CA10: variants seen among roughly 807,000 people sequenced by gnomAD.
CA10 encodes the protein carbonic anhydrase 10 (inactive).
In CA10, 14 loss-of-function variants were observed where a neutral mutation model predicts 44.2. The observed-to-expected ratio is 0.32, with a 90% CI of 0.21 to 0.50. The LOEUF is 0.50. CA10 is among the 20% of genes least tolerant of loss of function. The pLI, the probability that CA10 is intolerant of heterozygous loss-of-function variation, is 0.99. For missense variants in CA10, 350 were observed against 409.7 expected, an observed-to-expected ratio of 0.85 and a Z score of 1.26; for synonymous variants, 159 against 141.6, an observed-to-expected ratio of 1.12 and a Z score of -0.87.
intron 1 of CA10, among the ~76,000 whole-genome samples, chr17:52,082,529 C>T (rs978648853): frequency 1.3e-5 from 2 of 152,168 alleles, no homozygotes; most frequent in African/African-American, 4.8e-5. Flanking sequence ...GAATACTGCA[C>T]TTAACCTTCT....
chr17:51,748,421 A>G, intron 3 of CA10: 1 of 943,552 alleles, frequency 1.1e-6, no homozygotes, highest in Non-Finnish European at 1.3e-6. Context: ...AGATTCCTAG[A>G]CTTACTCCTT....
intron 3 of CA10, among the ~76,000 whole-genome samples, chr17:51,916,985 T>A (rs1982025367): frequency 6.6e-6 from 1 of 152,214 alleles, no homozygotes; most frequent in Non-Finnish European, 1.5e-5. Flanking sequence ...CACCTGGGTT[T>A]ACTTTTTAAG....
At chr17:51,676,979 T>G (rs1297810826) in intron 4 of CA10, among the ~76,000 whole-genome samples, 1 of 152,164 alleles carries the variant, frequency 6.6e-6, no homozygotes, top group East Asian at 1.9e-4. Context: ...AAGAGCAGCC[T>G]CGATTTGATA....
intron 2 of CA10, among the ~76,000 whole-genome samples, chr17:52,052,096 T>C (rs530655271): frequency 1.3e-5 from 2 of 151,166 alleles, no homozygotes; most frequent in East Asian, 2.0e-4. Flanking sequence ...CAGGGACACA[T>C]AGAGGGTAAC....
intron 1 of CA10, among the ~76,000 whole-genome samples, chr17:52,151,712 A>G (rs1989706732): frequency 6.6e-6 from 1 of 152,256 alleles, no homozygotes; most frequent in Middle Eastern, 3.4e-3. Flanking sequence ...TGATGATGAT[A>G]ATTTTATGGG....
intron 3 of CA10, among the ~76,000 whole-genome samples, chr17:51,875,707 A>C (rs1266252822): frequency 2.0e-5 from 3 of 152,202 alleles, no homozygotes; most frequent in Admixed American, 6.5e-5. Context: ...TATATAGTTA[A>C]ATGAGTTTTA....
chr17:51,859,882 A>G (rs1294264247), intron 3 of CA10, among the ~76,000 whole-genome samples: 1 of 152,172 alleles, frequency 6.6e-6, no homozygotes, highest in Non-Finnish European at 1.5e-5. Context: ...GAAGATTGCC[A>G]TGATACACAT....
chr17:52,102,344 T>G (rs1567733871), intron 1 of CA10, among the ~76,000 whole-genome samples: 1 of 152,198 alleles, frequency 6.6e-6, no homozygotes, highest in Non-Finnish European at 1.5e-5. Context: ...TGCTGAGCGA[T>G]TATTTCAAGC....
intron 7 of CA10, among the ~76,000 whole-genome samples, chr17:51,635,505 C>T (rs1359560111): frequency 6.6e-6 from 1 of 151,130 alleles, no homozygotes; most frequent in Admixed American, 6.6e-5. Flanking sequence ...AAGAGCGAGA[C>T]TCCATCTCAA....
chr17:51,769,681 G>T (rs1191450241), intron 3 of CA10, among the ~76,000 whole-genome samples: 2 of 152,098 alleles, frequency 1.3e-5, no homozygotes, highest in African/African-American at 4.8e-5. Context: ...GTTTGAACTA[G>T]ACCAGAGAAA....
intron 2 of CA10, among the ~76,000 whole-genome samples, chr17:51,961,773 G>C (rs980168286): frequency 1.3e-5 from 2 of 152,160 alleles, no homozygotes; most frequent in Non-Finnish European, 2.9e-5. Flanking sequence ...TGGTCACCTG[G>C]ATCAGCAGTC....
At chr17:51,753,197 G>A (rs1753202878) in intron 3 of CA10, among the ~76,000 whole-genome samples, 1 of 152,186 alleles carries the variant, frequency 6.6e-6, no homozygotes, top group African/African-American at 2.4e-5. Flanking sequence ...TATATTGAGG[G>A]AAGCAGGTAA....
chr17:51,994,577 G>C (rs1985160987), intron 2 of CA10, among the ~76,000 whole-genome samples: 4 of 151,798 alleles, frequency 2.6e-5, no homozygotes, highest in Admixed American at 2.6e-4. Context: ...TCAGTATCTG[G>C]TTTCTAATTT....
At chr17:51,991,023 G>A (rs181722376) in intron 2 of CA10, among the ~76,000 whole-genome samples, 1 of 152,068 alleles carries the variant, frequency 6.6e-6, no homozygotes, top group African/African-American at 2.4e-5. Flanking sequence ...TGTGCCCTCG[G>A]GCAAGTTACT....
At chr17:51,887,400 G>A (rs893733129) in intron 3 of CA10, among the ~76,000 whole-genome samples, 1 of 152,088 alleles carries the variant, frequency 6.6e-6, no homozygotes, top group Non-Finnish European at 1.5e-5. Context: ...AGGCAGGCGG[G>A]GACTCTGAGA....
At chr17:52,014,708 A>G (rs979973450) in intron 2 of CA10, among the ~76,000 whole-genome samples, 2 of 151,222 alleles carry the variant, frequency 1.3e-5, no homozygotes, top group Admixed American at 6.6e-5. Context: ...CACATAAGTG[A>G]TATAATATTA....
chr17:51,665,846 G>A (rs1383840461), intron 4 of CA10, among the ~76,000 whole-genome samples: 1 of 152,234 alleles, frequency 6.6e-6, no homozygotes, highest in African/African-American at 2.4e-5. Context: ...GTGACTGTAT[G>A]TAGAATTGAA....
chr17:52,064,307 C>A (rs1466679897), intron 2 of CA10, among the ~76,000 whole-genome samples: 3 of 152,138 alleles, frequency 2.0e-5, no homozygotes, highest in Admixed American at 1.3e-4. Flanking sequence ...TAAGCCATGT[C>A]CAGACTTCTG....
intron 1 of CA10, among the ~76,000 whole-genome samples, chr17:52,143,823 A>G (rs1321075651): frequency 1.3e-5 from 2 of 152,192 alleles, no homozygotes; most frequent in African/African-American, 2.4e-5. Context: ...AAATCCCACA[A>G]AAAAACCAAA....
Sources: allele counts gnomAD v4.1 joint callset (sites outside exome capture counted in the v4.1 genomes callset), GRCh38; gene constraint gnomAD v4.1.1; transcripts MANE v1.5; gene names NCBI Gene and HGNC (gene_info 2026-07-23, HGNC 2026-07-21).